VNN1: variants seen among roughly 807,000 people sequenced by gnomAD.
The protein encoded by VNN1 is vanin 1, also known as pantetheinase.
A neutral mutation model predicts 41.9 loss-of-function variants in VNN1; 29 were observed. The ratio of observed to expected loss-of-function variants is 0.69; its 90% CI spans 0.52 to 0.94. VNN1 has a LOEUF of 0.94. VNN1 is among the 40% of genes least tolerant of loss of function. The pLI, the probability that VNN1 is intolerant of heterozygous loss-of-function variation, is 0.00. For synonymous variants in VNN1, 233 were observed against 224.4 expected (o/e 1.04, Z -0.34); for missense variants, 637 against 621.1 (o/e 1.03, Z -0.27).
At chr6:132,683,398 T>C in intron 6 of VNN1, 76 bp from the exon 7 acceptor site, 1 of 1,430,354 alleles carries the variant, frequency 7.0e-7, no homozygotes, top group Non-Finnish European at 9.4e-7. Context: ...AAATTTACTA[T>C]AACAGAATGA....
At position 132,694,071 on chromosome 6, in the gene VNN1, C is replaced by T; in HGVS notation, c.453G>A (p.Gln151=). Residue 151 remains glutamine, a synonymous_variant, in exon 3 of 7, where the codon CAG becomes CAA. Coordinates refer to ENST00000367928, the MANE Select transcript of VNN1 (RefSeq NM_004666.3). ...ATTGGTAACGGCCATCAGGGGGACA[C>T]TGAGGATCACTGGTATCGCATGGCT... ...DKKPCDTSDP[Q]CPPDGRYQYN... 1 of 1,614,194 alleles carries T rather than the reference C, an allele frequency of 6.2e-7. No homozygotes were observed. Among genetic ancestry groups the T allele is most frequent in the Non-Finnish European group, 8.5e-7 (1 of 1,180,016 alleles).
At position 132,683,180 on chromosome 6, in the gene VNN1, A is replaced by C. The variant is rs1778152842; in HGVS notation, c.1502T>G (p.Leu501Arg). The C allele has an allele frequency of 6.2e-7, 1 of 1,613,960 alleles. No individual in the cohort carries two copies. Among genetic ancestry groups the C allele is most frequent in the Non-Finnish European group, 8.5e-7 (1 of 1,179,932 alleles). ...GLTAQARIIM[L>R]IVIAPIVCSL... ...GCATACAATAGGTGCTATAACTATT[A>C]GCATTATTATTCTTGCTTGTGCTGT... The change falls in exon 7 of 7, where the codon CTA (leucine) becomes CGA (arginine). Residue 501 changes from leucine (L) to arginine (R), a missense_variant. Physicochemically the swap from Leu to Arg is moderately radical, Grantham distance 102. Coordinates refer to ENST00000367928, the MANE Select transcript of VNN1 (RefSeq NM_004666.3).
chr6:132,691,422 C>A (rs1263765271), intron 5 of VNN1, among the ~76,000 whole-genome samples: 1 of 151,624 alleles, frequency 6.6e-6, no homozygotes, highest in East Asian at 1.9e-4. Context: ...GAGATTGGAT[C>A]TTTGCAGCAA....
chr6:132,713,186 A>T (rs377399482), intron 1 of VNN1, among the ~76,000 whole-genome samples: 3 of 152,242 alleles, frequency 2.0e-5, no homozygotes, highest in East Asian at 1.9e-4. Context: ...ACATTTATCC[A>T]TGACTTTTAT....
intron 5 of VNN1, among the ~76,000 whole-genome samples, chr6:132,685,806 G>T: frequency 6.6e-6 from 1 of 152,196 alleles, no homozygotes; most frequent in East Asian, 1.9e-4. Flanking sequence ...CCAGATAACT[G>T]ATCCTCCCCT....
chr6:132,706,458 G>A (rs1384570010), intron 2 of VNN1, among the ~76,000 whole-genome samples: 1 of 152,174 alleles, frequency 6.6e-6, no homozygotes, highest in African/African-American at 2.4e-5. Flanking sequence ...CCCATATGCG[G>A]AAGAATGAAA....
At chr6:132,683,575 T>C (rs750828125) in intron 6 of VNN1, among the ~76,000 whole-genome samples, 3 of 152,188 alleles carry the variant, frequency 2.0e-5, no homozygotes, top group Non-Finnish European at 2.9e-5. Context: ...TAAGAGTTAA[T>C]AAACACAAAC....
rs1778543053 is a variant in VNN1, at chr6:132,707,934, T to C, written c.341+3775A>G. Among the ~76,000 whole-genome samples the C allele has an allele frequency of 4.6e-5, 7 of 152,248 alleles. No individual in the cohort carries two copies. In the South Asian group the frequency reaches 1.2e-3, roughly 27 times the overall value. The stretch of plus-strand genomic sequence containing the variant: ...TTTTTAAATACCTAAAAGAGCATAA[T>C]TGAATGGTTTGTAATACAAAGGATA... On this transcript the variant is annotated intron_variant, in intron 2 of 6. Transcript: ENST00000367928.
chr6:132,693,028 C>G lies in VNN1; in HGVS notation c.822G>C (p.Met274Ile). Residue 274 changes from methionine to isoleucine, a missense_variant, in exon 4 of 7, where the codon ATG becomes ATC. Met to Ile is a conservative substitution (Grantham distance 10). Coordinates refer to ENST00000367928, the MANE Select transcript of VNN1 (RefSeq NM_004666.3). Reference protein sequence around the residue: ...ASNIHYPSKKMTGSGIYAPNS... With the variant: ...ASNIHYPSKKITGSGIYAPNS... ...ATCTTTAAGATCACACATTACCTGT[C>G]ATTTTCTTTGAGGGGTAATGTATGT... 6.2e-7 allele frequency: 1 copy of G among 1,601,490 alleles called. No homozygotes were observed. The highest frequency in any genetic ancestry group is 8.5e-7 in the Non-Finnish European group (1 of 1,172,408).
At position 132,694,042 on chromosome 6, in the gene VNN1, T is replaced by A; in HGVS notation, c.482A>T (p.Asn161Ile). The A allele has an allele frequency of 6.2e-7, 1 of 1,614,174 alleles. No individual in the cohort carries two copies. Among genetic ancestry groups the A allele is most frequent in the Non-Finnish European group, 8.5e-7 (1 of 1,180,014 alleles). ...TTGAGAATCAAATACCACATCAGTGTTGTATTGGTAACGGCCATCAGGGGG... is the reference window on the plus strand; with the variant it reads ...TTGAGAATCAAATACCACATCAGTGATGTATTGGTAACGGCCATCAGGGGG... ...QCPPDGRYQY[N>I]TDVVFDSQGK... The change falls in exon 3 of 7, where the codon AAC becomes ATC. Residue 161 changes from asparagine to isoleucine, a missense_variant. Physicochemically the swap from Asn to Ile is moderately radical, Grantham distance 149 (BLOSUM62 -3). Transcript: ENST00000367928.
At chr6:132,687,644 C>A (rs1430943711) in intron 5 of VNN1, among the ~76,000 whole-genome samples, 1 of 152,086 alleles carries the variant, frequency 6.6e-6, no homozygotes, top group Non-Finnish European at 1.5e-5. Flanking sequence ...GCTAAGAGAG[C>A]ATTCCTAGGA....
rs1778176923 is a variant in VNN1, at chr6:132,684,410, A to C, written c.1284T>G (p.Ser428Arg). Residue 428 changes from serine to arginine, a missense_variant, in exon 6 of 7, where the codon AGT becomes AGG. Coordinates refer to ENST00000367928, the MANE Select transcript of VNN1 (RefSeq NM_004666.3). ...ASTRFEMFSL[S>R]GTFGTQYVFP... The stretch of plus-strand genomic sequence containing the variant: ...AGACATACTGGGTTCCGAAAGTGCC[A>C]CTGAGGGAGAACATTTCAAACCTGG... The C allele has an allele frequency of 1.3e-5, 21 of 1,614,084 alleles. No homozygotes were observed. The highest frequency in any genetic ancestry group is 1.7e-5 in the Non-Finnish European group (20 of 1,179,958).
intron 1 of VNN1, among the ~76,000 whole-genome samples, chr6:132,713,372 A>G (rs1051514582): frequency 6.6e-6 from 1 of 152,240 alleles, no homozygotes; most frequent in South Asian, 2.1e-4. Context: ...AGTGTGAAGT[A>G]TATAATGCAT....
chr6:132,704,158 G>GA lies in VNN1; in HGVS notation c.341+7550dup, dbSNP rs990330104. Among the ~76,000 whole-genome samples, 999 of 147,936 alleles carry GA rather than the reference G, an allele frequency of 6.8e-3. 13 individuals carry two copies. The highest frequency in any genetic ancestry group is 0.022 in the African/African-American group (898 of 40,434). On this transcript the variant is annotated intron_variant, in intron 2 of 6. Transcript: ENST00000367928. ...CAGCATTGGACAGATCATCCAGAAG[G>GA]AAAAAAAAAATAAAGAAACATTGGA... is the stretch of plus-strand genomic sequence containing the variant.
chr6:132,711,799 C>T lies in VNN1; in HGVS notation c.251G>A (p.Gly84Asp). ...GAGAGAGTCCCTGTTGAAGTTCCAG[C>T]CATAAATAGCATCTTCTGGAGTCAC... ...IIVTPEDAIY[G>D]WNFNRDSLYP... is the part of the protein sequence containing the mutation. The change falls in exon 2 of 7, where the codon GGC becomes GAC. Residue 84 changes from glycine to aspartate, a missense_variant. Gly to Asp is a moderately conservative substitution (Grantham distance 94, BLOSUM62 -1). Coordinates refer to ENST00000367928, the MANE Select transcript of VNN1 (RefSeq NM_004666.3). 6.2e-7 allele frequency: 1 copy of T among 1,613,986 alleles called. No homozygotes were observed. The highest frequency in any genetic ancestry group is 1.1e-5 in the South Asian group (1 of 91,074).
intron 2 of VNN1, among the ~76,000 whole-genome samples, chr6:132,708,823 C>T (rs1327826024): frequency 6.6e-6 from 1 of 152,282 alleles, no homozygotes; most frequent in South Asian, 2.1e-4. Flanking sequence ...CTATTCTCAA[C>T]ATTGCGCTCC....
chr6:132,708,750 C>A (rs894691319), intron 2 of VNN1, among the ~76,000 whole-genome samples: 1 of 152,164 alleles, frequency 6.6e-6, no homozygotes, highest in African/African-American at 2.4e-5. Context: ...CATCTCTATG[C>A]CATAATGATC....
At chr6:132,708,909 G>C (rs2300076) in intron 2 of VNN1, among the ~76,000 whole-genome samples, 11,354 of 151,962 alleles carry the variant, frequency 0.075, 428 homozygotes, top group East Asian at 0.11. Context: ...CCCTTTTTCT[G>C]TTCCATAGGT....
chr6:132,695,930 C>CA (rs1016284609), intron 2 of VNN1, among the ~76,000 whole-genome samples: 31 of 151,842 alleles, frequency 2.0e-4, no homozygotes, highest in African/African-American at 3.4e-4. Context: ...AGTTATCAAC[C>CA]AAAAAAATCA....
Sources: gnomAD v4.1 joint callset for allele counts (sites outside exome capture counted in the v4.1 genomes callset) on GRCh38, gnomAD v4.1.1 for gene constraint, MANE v1.5 for transcripts, NCBI Gene and HGNC (gene_info 2026-07-23, HGNC 2026-07-21) for gene names.